The following ARHGEF3 variants were observed in gnomAD, a reference collection of about 807,000 sequenced individuals.
The protein encoded by ARHGEF3 is Rho guanine nucleotide exchange factor 3.
A neutral mutation model predicts 63.2 loss-of-function variants in ARHGEF3; 28 were observed. That is an observed-to-expected ratio of 0.44 (90% confidence interval 0.33 to 0.61). The LOEUF (loss-of-function observed/expected upper bound fraction) is 0.61. Ranked by LOEUF, ARHGEF3 falls within the 20% of genes least tolerant of loss-of-function variation. The probability of loss-of-function intolerance (pLI) is 0.03; values close to 1 mark genes in which losing one functional copy is unlikely to be tolerated. For synonymous variants in ARHGEF3, 266 were observed against 254.2 expected, an observed-to-expected ratio of 1.05 and a Z score of -0.44; for missense variants, 533 against 659.3, an observed-to-expected ratio of 0.81 and a Z score of 2.10.
intron 2 of ARHGEF3, among the ~76,000 whole-genome samples, chr3:56,993,529 G>A (rs376272796): frequency 3.3e-5 from 5 of 151,454 alleles, no homozygotes; most frequent in Admixed American, 6.6e-5. Context: ...TGCGTTCCAC[G>A]ATGGCCAGCT....
intron 2 of ARHGEF3, among the ~76,000 whole-genome samples, chr3:57,009,078 T>C (rs959921186): frequency 4.6e-5 from 7 of 152,222 alleles, no homozygotes; most frequent in African/African-American, 1.4e-4. Context: ...GGAAACAGAA[T>C]GCATGGCCCA....
intron 1 of ARHGEF3, among the ~76,000 whole-genome samples, chr3:57,075,898 T>C (rs1706197738): frequency 6.6e-6 from 1 of 152,200 alleles, no homozygotes; most frequent in Admixed American, 6.6e-5. Flanking sequence ...GCAAAGCTTG[T>C]CACCAAACCT....
intron 1 of ARHGEF3, among the ~76,000 whole-genome samples, chr3:56,797,962 T>C (rs759950192): frequency 6.6e-6 from 1 of 152,220 alleles, no homozygotes; most frequent in Non-Finnish European, 1.5e-5. Context: ...GATCTTGGCT[T>C]AGCTGCTGAT....
intron 2 of ARHGEF3, among the ~76,000 whole-genome samples, chr3:56,764,345 A>C (rs1025249563): frequency 5.9e-5 from 9 of 152,170 alleles, no homozygotes; most frequent in African/African-American, 2.2e-4. Flanking sequence ...ATATTCCACA[A>C]GCTGAAATGG....
intron 2 of ARHGEF3, among the ~76,000 whole-genome samples, chr3:56,966,649 G>A (rs1343439637): frequency 6.6e-6 from 1 of 151,934 alleles, no homozygotes; most frequent in East Asian, 1.9e-4. Flanking sequence ...CTTTTAGAAA[G>A]ATATCCCTGG....
At chr3:56,870,785 A>G (rs1433631102) in intron 4 of ARHGEF3, among the ~76,000 whole-genome samples, 2 of 41,710 alleles carry the variant, frequency 4.8e-5, no homozygotes, top group South Asian at 5.4e-4. Context: ...AAACTGCTCT[A>G]AAAAAAAAAA....
At chr3:57,042,675 TATATATATATATATA>T (rs1231291756) in intron 1 of ARHGEF3, among the ~76,000 whole-genome samples, 3,271 of 41,270 alleles carry the variant, frequency 0.079, 283 homozygotes, top group Non-Finnish European at 0.1. Context: ...TATATATATA[TATATATATATATATA>T]TATATATATA....
At chr3:56,909,524 C>G (rs576359404) in intron 3 of ARHGEF3, among the ~76,000 whole-genome samples, 1 of 152,224 alleles carries the variant, frequency 6.6e-6, no homozygotes, top group Non-Finnish European at 1.5e-5. Flanking sequence ...AAGCATTTAA[C>G]AGCCTTGCAC....
intron 4 of ARHGEF3, among the ~76,000 whole-genome samples, chr3:56,849,074 A>G (rs775611638): frequency 3.3e-5 from 5 of 152,178 alleles, no homozygotes; most frequent in Admixed American, 6.5e-5. Context: ...TAGTAAAACC[A>G]CTAAAAGAGC....
chr3:56,812,404 C>G (rs1474357726), intron 4 of ARHGEF3, among the ~76,000 whole-genome samples: 1 of 152,188 alleles, frequency 6.6e-6, no homozygotes, highest in African/African-American at 2.4e-5. Flanking sequence ...TGTTTACACA[C>G]TAATTCCTGA....
At position 56,958,821 on chromosome 3, in the gene ARHGEF3, ACC is replaced by A; in HGVS notation, c.129_129+1del. 3 of 1,550,946 alleles carry A rather than the reference ACC, an allele frequency of 1.9e-6. No individual in the cohort carries two copies. The highest frequency in any genetic ancestry group is 2.6e-6 in the Non-Finnish European group (3 of 1,146,332). On this transcript the variant is annotated splice_donor_variant and coding_sequence_variant, in exon 3 of 13. Coordinates refer to the ARHGEF3 transcript ENST00000338458. LOFTEE classifies it high-confidence loss of function. ...GCAGGGGCTACCCAGGGCAACACTT[ACC>A]CCTCTGAAATTCCAGGCTTTAGGAG...
chr3:56,870,914 A>C (rs11130550), intron 4 of ARHGEF3, among the ~76,000 whole-genome samples: 74,214 of 151,944 alleles, frequency 0.49, 18,599 homozygotes, highest in Non-Finnish European at 0.53. Flanking sequence ...AGCAATCAAT[A>C]AATAAATAAA....
intron 2 of ARHGEF3, among the ~76,000 whole-genome samples, chr3:57,019,564 T>A (rs1703161465): frequency 6.6e-6 from 1 of 152,182 alleles, no homozygotes. Flanking sequence ...TTGGCATGTG[T>A]GTCAGATATA....
At chr3:56,841,145 C>T (rs1279354068) in intron 4 of ARHGEF3, among the ~76,000 whole-genome samples, 1 of 152,088 alleles carries the variant, frequency 6.6e-6, no homozygotes, top group African/African-American at 2.4e-5. Context: ...AACGGAATGA[C>T]GAATTATTGA....
chr3:56,752,962 G>T (rs2034864778), intron 4 of ARHGEF3, among the ~76,000 whole-genome samples: 1 of 152,222 alleles, frequency 6.6e-6, no homozygotes, highest in Non-Finnish European at 1.5e-5. Flanking sequence ...AAGCCATGGA[G>T]TTGGGGGGCT....
At chr3:56,759,031 C>G (rs545342506) in intron 2 of ARHGEF3, among the ~76,000 whole-genome samples, 2 of 152,202 alleles carry the variant, frequency 1.3e-5, no homozygotes, top group Non-Finnish European at 2.9e-5. Context: ...ACTTTAAATT[C>G]TCATACATTA....
intron 4 of ARHGEF3, among the ~76,000 whole-genome samples, chr3:56,856,340 C>T (rs2039881478): frequency 6.6e-6 from 1 of 152,208 alleles, no homozygotes; most frequent in Admixed American, 6.5e-5. Flanking sequence ...CAGGCTCTTT[C>T]TCTAGCCTTT....
intron 4 of ARHGEF3, among the ~76,000 whole-genome samples, chr3:56,878,090 T>C (rs1201023725): frequency 1.3e-5 from 2 of 152,238 alleles, no homozygotes; most frequent in Non-Finnish European, 2.9e-5. Flanking sequence ...GGAGGCTATT[T>C]TTATTTCCAC....
At chr3:56,964,375 A>G (rs903023542) in intron 2 of ARHGEF3, among the ~76,000 whole-genome samples, 2 of 148,066 alleles carry the variant, frequency 1.4e-5, no homozygotes, top group Non-Finnish European at 3.0e-5. Context: ...AAAAAAAATC[A>G]CAGAACCTCA....
Sources: gnomAD v4.1 joint callset for allele counts (sites outside exome capture counted in the v4.1 genomes callset) on GRCh38, gnomAD v4.1.1 for gene constraint, MANE v1.5 for transcripts, NCBI Gene and HGNC (gene_info 2026-07-23, HGNC 2026-07-21) for gene names.